The following OLFM3 variants were observed in gnomAD, a reference collection of about 807,000 sequenced individuals.
OLFM3 encodes noelin-3.
Under a neutral mutation model 48.6 loss-of-function variants are expected in OLFM3, and 20 were observed. That is an observed-to-expected ratio of 0.41 (90% CI 0.29 to 0.60). The LOEUF is 0.60. OLFM3 is among the 20% of genes least tolerant of loss of function. OLFM3 has a pLI of 0.28. For missense variants in OLFM3, 437 were observed against 544.3 expected (o/e 0.80, Z 1.96); for synonymous variants, 222 against 198.1 (o/e 1.12, Z -1.01).
intron 1 of OLFM3, among the ~76,000 whole-genome samples, chr1:101,952,092 T>C (rs1660160658): frequency 6.6e-6 from 1 of 152,166 alleles, no homozygotes; most frequent in Non-Finnish European, 1.5e-5. Context: ...AAAGTCACTA[T>C]TTATTAACTG....
intron 1 of OLFM3, among the ~76,000 whole-genome samples, chr1:101,922,556 G>A (rs913668466): frequency 1.3e-5 from 2 of 152,162 alleles, no homozygotes. Flanking sequence ...ATGTTCCTCT[G>A]TTTGACTTTG....
At chr1:101,857,274 A>G (rs1656461338) in intron 1 of OLFM3, among the ~76,000 whole-genome samples, 1 of 152,000 alleles carries the variant, frequency 6.6e-6, no homozygotes, top group African/African-American at 2.4e-5. Context: ...TGTCAGGAAA[A>G]CAGTATTTTC....
chr1:101,964,365 A>G (rs1315533685), intron 1 of OLFM3, among the ~76,000 whole-genome samples: 3 of 152,220 alleles, frequency 2.0e-5, no homozygotes, highest in Non-Finnish European at 4.4e-5. Flanking sequence ...AAGGGTTTGC[A>G]GTTTATCTTT....
intron 1 of OLFM3, among the ~76,000 whole-genome samples, chr1:101,939,361 C>A (rs1659719763): frequency 6.6e-6 from 1 of 151,614 alleles, no homozygotes; most frequent in Non-Finnish European, 1.5e-5. Flanking sequence ...TTTTTTAATT[C>A]ATGTGTTCAT....
At chr1:101,883,990 C>A (rs1259823213) in intron 1 of OLFM3, among the ~76,000 whole-genome samples, 1 of 151,404 alleles carries the variant, frequency 6.6e-6, no homozygotes, top group Non-Finnish European at 1.5e-5. Context: ...CCACTATCAC[C>A]AAGAGTCTTA....
At chr1:101,919,103 A>G (rs1340890873) in intron 1 of OLFM3, among the ~76,000 whole-genome samples, 1 of 152,222 alleles carries the variant, frequency 6.6e-6, no homozygotes, top group African/African-American at 2.4e-5. Flanking sequence ...ATCAGAAAGC[A>G]AAAACAACTG....
intron 1 of OLFM3, among the ~76,000 whole-genome samples, chr1:101,994,596 T>C (rs1275398115): frequency 4.0e-5 from 6 of 148,356 alleles, no homozygotes; most frequent in African/African-American, 1.5e-4. Context: ...TATAAATATA[T>C]ATTATATAAA....
At chr1:101,809,622 G>A (rs190485960) in intron 4 of OLFM3, among the ~76,000 whole-genome samples, 66 of 151,926 alleles carry the variant, frequency 4.3e-4, no homozygotes, top group Non-Finnish European at 8.3e-4. Flanking sequence ...ACTATGCAGT[G>A]GGCTTTGAGA....
intron 1 of OLFM3, among the ~76,000 whole-genome samples, chr1:101,981,686 T>A (rs1489873153): frequency 6.6e-6 from 1 of 152,218 alleles, no homozygotes; most frequent in East Asian, 1.9e-4. Context: ...AAACTCCTGA[T>A]CTTCTCTCTC....
At chr1:101,976,151 T>C (rs968632629) in intron 1 of OLFM3, among the ~76,000 whole-genome samples, 1 of 152,222 alleles carries the variant, frequency 6.6e-6, no homozygotes, top group Non-Finnish European at 1.5e-5. Context: ...TGTGTGGGTA[T>C]TTTTGTTATT....
At chr1:101,835,355 C>T (rs1313027009) in intron 2 of OLFM3, among the ~76,000 whole-genome samples, 2 of 152,182 alleles carry the variant, frequency 1.3e-5, no homozygotes, top group South Asian at 2.1e-4. Context: ...TGCTCTGTCA[C>T]CCAGGCTGGA....
intron 4 of OLFM3, chr1:101,813,037 C>G: frequency 8.1e-7 from 1 of 1,232,166 alleles, no homozygotes; most frequent in South Asian, 1.5e-5. Flanking sequence ...GCTGAGAATA[C>G]AAAGGTGAAC....
chr1:101,813,090 C>T (rs756873047), intron 4 of OLFM3: 41 of 1,289,136 alleles, frequency 3.2e-5, no homozygotes, highest in Non-Finnish European at 3.9e-5. Context: ...AATACTATTG[C>T]TTATGCTTCT....
intron 1 of OLFM3, among the ~76,000 whole-genome samples, chr1:101,892,414 G>A (rs1570605063): frequency 6.6e-6 from 1 of 152,014 alleles, no homozygotes; most frequent in East Asian, 1.9e-4. Context: ...CAACTGAAGA[G>A]CAGTCTTTGA....
rs577278757 is a variant in OLFM3, at chr1:101,914,538, C to G, written c.70-77513G>C. Among the ~76,000 whole-genome samples, 5 of 152,262 alleles carry G rather than the reference C, an allele frequency of 3.3e-5. No individual in the cohort carries two copies. In the South Asian group the frequency reaches 1.0e-3, roughly 32 times the overall value. On this transcript the variant is annotated intron_variant, in intron 1 of 5. Coordinates refer to ENST00000370103, the MANE Select transcript of OLFM3 (RefSeq NM_058170.4). The stretch of plus-strand genomic sequence containing the variant: ...CCTAAATTTCTCAGTTTTTAGAATA[C>G]TATTTCAATATTATTAAATTAGCTC...
Position 101,830,813 on chromosome 1 carries a change from G to A in OLFM3, c.231C>T (p.Ser77=). Residue 77 remains serine, a synonymous_variant, in exon 3 of 6, where the codon TCC becomes TCT. Transcript: ENST00000370103. ...TCAAGTTTAAGACTTCAATAGACTG[G>A]GACATGTTCTGAACCTGTTGAACAA... ...RQLLEKVQNM[S]QSIEVLNLRT... is the part of the protein sequence containing the mutation. 6.2e-7 allele frequency: 1 copy of A among 1,613,564 alleles called. No individual in the cohort carries two copies. Among genetic ancestry groups the A allele is most frequent in the Non-Finnish European group, 8.5e-7 (1 of 1,179,734 alleles).
rs575372753 is a variant in OLFM3, at chr1:101,873,625, A to AT, written c.70-36601dup. ...GTACTATGTGGTAGATCTGAGTTTA[A>AT]TTTTTTTTTTATTTACAATGTATTT... On this transcript the variant is annotated intron_variant, in intron 1 of 5. Coordinates refer to ENST00000370103, the MANE Select transcript of OLFM3 (RefSeq NM_058170.4). Among the ~76,000 whole-genome samples the AT allele has an allele frequency of 4.6e-3, 691 of 149,414 alleles. 2 individuals carry two copies. The highest frequency in any genetic ancestry group is 5.9e-3 in the Non-Finnish European group (396 of 66,980).
chr1:101,825,023 C>T lies in OLFM3; in HGVS notation c.592+3G>A, dbSNP rs747198927. 1.1e-5 allele frequency: 17 copies of T among 1,612,640 alleles called. No individual in the cohort carries two copies. The East Asian group carries it at 3.8e-4, about 36-fold the overall frequency. ...CTTAGACAAATTAAATTGTCATACT[C>T]ACTTAGCTTTTTCATGCAGTCACGA... is the stretch of plus-strand genomic sequence containing the variant. On this transcript the variant is annotated splice_donor_region_variant and intron_variant, in intron 4 of 5. Coordinates refer to ENST00000370103, the MANE Select transcript of OLFM3 (RefSeq NM_058170.4).
intron 1 of OLFM3, among the ~76,000 whole-genome samples, chr1:101,933,799 G>A (rs1269201466): frequency 6.6e-6 from 1 of 152,100 alleles, no homozygotes; most frequent in Non-Finnish European, 1.5e-5. Context: ...AAGAGACTGG[G>A]GGCCTATATA....
Sources: allele counts gnomAD v4.1 joint callset (sites outside exome capture counted in the v4.1 genomes callset), GRCh38; gene constraint gnomAD v4.1.1; transcripts MANE v1.5; gene names NCBI Gene and HGNC (gene_info 2026-07-23, HGNC 2026-07-21).